Variants in RSBN1L observed in about 807,000 individuals in gnomAD.
The protein encoded by RSBN1L is round spermatid basic protein 1 like, also known as lysine-specific demethylase RSBN1L.
In RSBN1L, 30 loss-of-function variants were observed where a neutral mutation model predicts 67.7. The ratio of observed to expected loss-of-function variants is 0.44; its 90% CI spans 0.33 to 0.60. RSBN1L has a LOEUF of 0.60. RSBN1L is among the 20% of genes least tolerant of loss of function. The pLI, the probability that RSBN1L is intolerant of heterozygous loss-of-function variation, is 0.02. For synonymous variants in RSBN1L, 433 were observed against 387.0 expected, an observed-to-expected ratio of 1.12 and a Z score of -1.39; for missense variants, 992 against 1,031.7, an observed-to-expected ratio of 0.96 and a Z score of 0.53.
Position 77,736,439 on chromosome 7 carries a change from G to T in RSBN1L, c.616G>T (p.Asp206Tyr). ...DKIKDKIKERDKEKEREKKKH... is the reference protein window; with the variant it reads ...DKIKDKIKERYKEKEREKKKH... ...AATCAAAGACAAAATTAAAGAGAGAGACAAAGAAAAAGAAAGAGAAAAAAA... is the reference window on the plus strand; with the variant it reads ...AATCAAAGACAAAATTAAAGAGAGATACAAAGAAAAAGAAAGAGAAAAAAA... The change falls in exon 2 of 8, where the codon GAC (aspartate) becomes TAC (tyrosine). Residue 206 changes from aspartate to tyrosine, a missense_variant. Around this residue, in one of 7 missense-constraint regions of RSBN1L, gnomAD observed 575 missense variants for 483.2 expected, o/e 1.19. Coordinates refer to ENST00000334955, the MANE Select transcript of RSBN1L (RefSeq NM_198467.3). 1 of 1,098,526 alleles carries T rather than the reference G, an allele frequency of 9.1e-7. No individual in the cohort carries two copies. The highest frequency in any genetic ancestry group is 1.6e-5 in the South Asian group (1 of 62,930). 68.0% of individuals were successfully genotyped at this position (1,098,526 alleles called of 1,614,324 possible).
At chr7:77,716,195 A>G (rs1451373894) in intron 1 of RSBN1L, among the ~76,000 whole-genome samples, 1 of 152,042 alleles carries the variant, frequency 6.6e-6, no homozygotes, top group African/African-American at 2.4e-5. Flanking sequence ...TTTCTCTTAG[A>G]TTTCTCTAGG....
At chr7:77,758,397 A>G (rs75907215) in intron 3 of RSBN1L, among the ~76,000 whole-genome samples, 4,149 of 152,334 alleles carry the variant, frequency 0.027, 200 homozygotes, top group African/African-American at 0.094. Context: ...TATGGGGTAC[A>G]TAAGATGTCT....
intron 4 of RSBN1L, among the ~76,000 whole-genome samples, chr7:77,767,229 C>T (rs1423861594): frequency 1.3e-5 from 2 of 152,014 alleles, no homozygotes; most frequent in Non-Finnish European, 2.9e-5. Context: ...CACACCCAAC[C>T]TAAATGCATT....
chr7:77,781,525 A>G lies in RSBN1L; in HGVS notation c.*2357A>G, dbSNP rs1791996805. On this transcript the variant is annotated 3_prime_UTR_variant, in exon 8 of 8. Coordinates refer to ENST00000334955, the MANE Select transcript of RSBN1L (RefSeq NM_198467.3). The stretch of plus-strand genomic sequence containing the variant: ...GCATATATGTAGATGCATTGAGGTC[A>G]TACTGTGAGAAAATGTCTTTAGGGT... The G allele has an allele frequency of 1.3e-5, 2 of 152,216 alleles. No homozygotes were observed. The highest frequency in any genetic ancestry group is 4.1e-4 in the South Asian group (2 of 4,834). 9.4% of individuals were successfully genotyped at this position (152,216 alleles called of 1,614,324 possible).
chr7:77,714,173 G>A (rs1791013807), intron 1 of RSBN1L, among the ~76,000 whole-genome samples: 1 of 152,102 alleles, frequency 6.6e-6, no homozygotes, highest in Admixed American at 6.5e-5. Flanking sequence ...TATCTATAGG[G>A]CAAAAATCCC....
intron 1 of RSBN1L, among the ~76,000 whole-genome samples, chr7:77,724,825 A>T (rs1220029644): frequency 1.1e-4 from 16 of 146,976 alleles, no homozygotes; most frequent in Non-Finnish European, 1.8e-4. Context: ...TAAGCCCCCT[A>T]TTTTTTTTCT....
Position 77,696,990 on chromosome 7 carries a change from G to C in RSBN1L, c.521G>C (p.Gly174Ala). 1 of 1,544,446 alleles carries C rather than the reference G, an allele frequency of 6.5e-7. No individual in the cohort carries two copies. Among genetic ancestry groups the C allele is most frequent in the African/African-American group, 1.4e-5 (1 of 73,402 alleles). ...AAGGAGAGGAGGAGGCACGGTCTCG[G>C]TGGGGCCCGAGAGGCCGGCGGGGCC... Reference protein sequence around the residue: ...REKERRRHGLGGAREAGGASR... With the variant: ...REKERRRHGLAGAREAGGASR... The change falls in exon 1 of 8, where the codon GGT becomes GCT. Residue 174 changes from glycine (G) to alanine (A), a missense_variant. This residue lies in a region of RSBN1L where 575 missense variants were observed against 483.2 expected (regional missense o/e 1.19). Transcript: ENST00000334955.
chr7:77,733,898 G>A (rs535433917), intron 1 of RSBN1L, among the ~76,000 whole-genome samples: 3 of 152,210 alleles, frequency 2.0e-5, no homozygotes, highest in South Asian at 4.1e-4. Flanking sequence ...ATGCCAAGGC[G>A]TGCAGATCAC....
chr7:77,776,644 G>T (rs566746526), intron 6 of RSBN1L, among the ~76,000 whole-genome samples: 1 of 152,148 alleles, frequency 6.6e-6, no homozygotes, highest in East Asian at 1.9e-4. Flanking sequence ...TGATGAATTG[G>T]CCCCTTTTTT....
chr7:77,718,065 A>T (rs998254162), intron 1 of RSBN1L, among the ~76,000 whole-genome samples: 1 of 152,156 alleles, frequency 6.6e-6, no homozygotes, highest in African/African-American at 2.4e-5. Context: ...ATTTGAGAGA[A>T]ACTTTGAAAG....
rs1317742425 is a variant in RSBN1L, at chr7:77,765,620, A to G, written c.1470A>G (p.Ser490=). Reference sequence around the variant, plus strand: ...AGTTCCTTGACATGTTGGAAGAGTCACCATTTTTAAAAGTAAGAGACAATC... The same window carrying G: ...AGTTCCTTGACATGTTGGAAGAGTCGCCATTTTTAAAAGTAAGAGACAATC... The part of the protein sequence containing the change: ...FPEFLDMLEE[S]PFLKCTLPWG... The change falls in exon 4 of 8, where the codon TCA becomes TCG. Residue 490 remains serine, a synonymous_variant. Coordinates refer to ENST00000334955, the MANE Select transcript of RSBN1L (RefSeq NM_198467.3). 2.5e-6 allele frequency: 4 copies of G among 1,594,964 alleles called. No individual in the cohort carries two copies. Among genetic ancestry groups the G allele is most frequent in the Admixed American group, 3.5e-5 (2 of 57,492 alleles).
chr7:77,723,129 G>C lies in RSBN1L; in HGVS notation c.587-13281G>C, dbSNP rs186084200. ...TTACAGGCATGCGCCACCTCGCCTG[G>C]CTAATTTTGTATTTTTAGTAGAGAT... On this transcript the variant is annotated intron_variant, in intron 1 of 7. Transcript: ENST00000334955. 1.5e-3 allele frequency among the ~76,000 whole-genome samples: 226 copies of C among 152,010 alleles called. 3 individuals carry two copies. The highest frequency in any genetic ancestry group is 1.0e-4 in the Non-Finnish European group (7 of 67,970).
intron 1 of RSBN1L, among the ~76,000 whole-genome samples, chr7:77,734,570 C>T (rs151149682): frequency 0.066 from 10,016 of 151,896 alleles, 456 homozygotes; most frequent in Non-Finnish European, 0.1. Flanking sequence ...CTCACTGCAA[C>T]CTCCACCTCC....
rs1791339165 is a variant in RSBN1L at position 77,736,608 on chromosome 7, G to A, written c.703+82G>A. On this transcript the variant is annotated intron_variant, in intron 2 of 7. Coordinates refer to ENST00000334955, the MANE Select transcript of RSBN1L (RefSeq NM_198467.3). ...TGGCTAAGTGAATAAAATAAGAAAT[G>A]TTATTTGGTGCTGAATTTTGCGGAG... 4 of 735,260 alleles carry A rather than the reference G, an allele frequency of 5.4e-6. No homozygotes were observed. The East Asian group carries it at 1.6e-4, about 30-fold the overall frequency. The allele number at this position is 735,260 out of a possible 1,614,324, so 45.5% of individuals were successfully genotyped here. A position where few individuals can be genotyped will look rare whatever the true frequency, so the allele number is the denominator to read the frequency against.
At chr7:77,759,893 G>A (rs1011747479) in intron 3 of RSBN1L, among the ~76,000 whole-genome samples, 2 of 152,210 alleles carry the variant, frequency 1.3e-5, no homozygotes, top group South Asian at 4.1e-4. Flanking sequence ...AATAGCCAGT[G>A]TGCGTGGTGA....
chr7:77,778,928 G>T lies in RSBN1L; in HGVS notation c.2301G>T (p.Val767=). The part of the protein sequence containing the change: ...IASVRIKEEP[V]NVNIPEKTTA... ...CTGTAAGAATCAAGGAAGAACCTGT[G>T]AATGTTAATATTCCTGAAAAGACTA... The change falls in exon 8 of 8, where the codon GTG becomes GTT. Residue 767 remains valine (V), a synonymous_variant. Coordinates refer to ENST00000334955, the MANE Select transcript of RSBN1L (RefSeq NM_198467.3). The T allele has an allele frequency of 1.2e-6, 2 of 1,613,974 alleles. No homozygotes were observed. The highest frequency in any genetic ancestry group is 1.7e-6 in the Non-Finnish European group (2 of 1,179,910).
intron 1 of RSBN1L, among the ~76,000 whole-genome samples, chr7:77,711,293 A>G (rs563465065): frequency 4.0e-5 from 6 of 151,320 alleles, no homozygotes; most frequent in Admixed American, 2.0e-4. Context: ...TTAGCACTAC[A>G]TTGTATAAAA....
At chr7:77,728,276 C>G (rs1791232421) in intron 1 of RSBN1L, among the ~76,000 whole-genome samples, 1 of 152,044 alleles carries the variant, frequency 6.6e-6, no homozygotes, top group South Asian at 2.1e-4. Context: ...AATATGCCTT[C>G]CTGCATACTT....
Position 77,778,562 on chromosome 7 carries a change from T to C in RSBN1L, c.1935T>C (p.Asn645=). Residue 645 remains asparagine, a synonymous_variant, in exon 8 of 8, where the codon AAT becomes AAC. Transcript: ENST00000334955. The part of the protein sequence containing the change: ...CVQWVDDAKL[N]QLRREGIRYA... ...AATGGGTTGATGATGCAAAACTGAA[T>C]CAACTGAGGAGGGAAGGCATTCGCT... 6.2e-7 allele frequency: 1 copy of C among 1,613,412 alleles called. No homozygotes were observed. The highest frequency in any genetic ancestry group is 8.5e-7 in the Non-Finnish European group (1 of 1,179,586).
Sources: gnomAD v4.1 joint callset for allele counts (sites outside exome capture counted in the v4.1 genomes callset) on GRCh38, gnomAD v4.1.1 for gene constraint, gnomAD v4.1.1 regional missense constraint, MANE v1.5 for transcripts, NCBI Gene and HGNC (gene_info 2026-07-23, HGNC 2026-07-21) for gene names.